The following DLGAP2 variants were observed in gnomAD, a reference collection of about 807,000 sequenced individuals.
DLGAP2 encodes disks large-associated protein 2.
In DLGAP2, 26 loss-of-function variants were observed where a neutral mutation model predicts 100.3. That is an observed-to-expected ratio of 0.26 (90% CI 0.19 to 0.36). The LOEUF (loss-of-function observed/expected upper bound fraction) is 0.36. Ranked by LOEUF, DLGAP2 falls within the 10% of genes least tolerant of loss-of-function variation. The pLI is 1.00. For missense variants in DLGAP2, 1,858 were observed against 1,453.2 expected (o/e 1.28, Z -4.53); for synonymous variants, 886 against 630.1 (o/e 1.41, Z -6.08).
At chr8:1,351,300 G>C (rs1801717755) in intron 3 of DLGAP2, among the ~76,000 whole-genome samples, 1 of 93,304 alleles carries the variant, frequency 1.1e-5, no homozygotes, top group Non-Finnish European at 2.2e-5. Context: ...AGGCCGTGCG[G>C]GTCCTGAGTG....
chr8:802,386 C>A (rs1796187982), intron 1 of DLGAP2, among the ~76,000 whole-genome samples: 1 of 151,954 alleles, frequency 6.6e-6, no homozygotes, highest in Non-Finnish European at 1.5e-5. Flanking sequence ...CCAGCCCAGT[C>A]TTCCTGGTTG....
At chr8:1,330,957 A>T (rs1206655395) in intron 3 of DLGAP2, among the ~76,000 whole-genome samples, 2 of 147,026 alleles carry the variant, frequency 1.4e-5, no homozygotes, top group African/African-American at 5.2e-5. Flanking sequence ...TCTGGGTGGG[A>T]GCGCCACTTC....
At chr8:1,098,789 C>T (rs1340337888) in intron 2 of DLGAP2, among the ~76,000 whole-genome samples, 1 of 130,574 alleles carries the variant, frequency 7.7e-6, no homozygotes, top group African/African-American at 2.7e-5. Context: ...GGCTCCCGGC[C>T]GCCCACGGAC....
chr8:1,373,965 C>T (rs1419177245), intron 3 of DLGAP2, among the ~76,000 whole-genome samples: 4 of 152,186 alleles, frequency 2.6e-5, no homozygotes, highest in Non-Finnish European at 4.4e-5. Flanking sequence ...GGTAATTTCT[C>T]TTTATTGTAA....
intron 1 of DLGAP2, among the ~76,000 whole-genome samples, chr8:800,792 G>A (rs542287104): frequency 1.3e-5 from 2 of 152,126 alleles, no homozygotes; most frequent in Admixed American, 6.6e-5. Context: ...TCTGAGAGTG[G>A]GGTTGTGCAG....
chr8:782,977 G>A (rs1484151707), intron 1 of DLGAP2, among the ~76,000 whole-genome samples: 1 of 152,204 alleles, frequency 6.6e-6, no homozygotes, highest in Non-Finnish European at 1.5e-5. Context: ...AGGATGGACG[G>A]CTGTGTCTGC....
intron 6 of DLGAP2, among the ~76,000 whole-genome samples, chr8:1,593,996 G>A (rs1335746790): frequency 6.6e-6 from 1 of 152,168 alleles, no homozygotes; most frequent in South Asian, 2.1e-4. Context: ...CATAGGGGAG[G>A]ACAGAGATGA....
intron 8 of DLGAP2, among the ~76,000 whole-genome samples, chr8:1,664,346 C>A (rs1585044099): frequency 6.6e-6 from 1 of 152,122 alleles, no homozygotes; most frequent in African/African-American, 2.4e-5. Context: ...AGGAGCAGCT[C>A]CATCCATCTC....
At chr8:1,086,766 T>A (rs1032943223) in intron 2 of DLGAP2, among the ~76,000 whole-genome samples, 2 of 152,166 alleles carry the variant, frequency 1.3e-5, no homozygotes, top group East Asian at 1.9e-4. Context: ...AAAGTAAATG[T>A]GAAAAGGATC....
At chr8:1,601,501 C>A (rs1010120257) in intron 6 of DLGAP2, among the ~76,000 whole-genome samples, 1 of 152,136 alleles carries the variant, frequency 6.6e-6, no homozygotes, top group Non-Finnish European at 1.5e-5. Flanking sequence ...GTGCTCTGTC[C>A]CAGAGAGATG....
At chr8:971,166 CAACGTAG>C (rs1800004965) in intron 2 of DLGAP2, among the ~76,000 whole-genome samples, 1 of 152,092 alleles carries the variant, frequency 6.6e-6, no homozygotes, top group Non-Finnish European at 1.5e-5. Context: ...ACTGAACAGC[CAACGTAG>C]AGGATGGGAG....
chr8:1,054,620 C>G (rs2129033670), intron 2 of DLGAP2, among the ~76,000 whole-genome samples: 1 of 152,318 alleles, frequency 6.6e-6, no homozygotes, highest in Non-Finnish European at 1.5e-5. Flanking sequence ...TCATCCCTCT[C>G]TTGGGTTGTG....
chr8:996,529 A>T (rs2134499), intron 2 of DLGAP2, among the ~76,000 whole-genome samples: 6,715 of 152,314 alleles, frequency 0.044, 310 homozygotes, highest in Admixed American at 0.14. Flanking sequence ...GGATGTGGCT[A>T]CATTAATGAA....
chr8:969,510 GTTAAGT>G (rs1003560238), intron 2 of DLGAP2, among the ~76,000 whole-genome samples: 13 of 149,620 alleles, frequency 8.7e-5, no homozygotes, highest in African/African-American at 3.0e-4. Flanking sequence ...AGAACCAACT[GTTAAGT>G]TTTTAGGAAT....
intron 3 of DLGAP2, among the ~76,000 whole-genome samples, chr8:1,425,701 G>A (rs750209573): frequency 2.0e-5 from 3 of 152,180 alleles, no homozygotes; most frequent in Non-Finnish European, 2.9e-5. Flanking sequence ...CTGTCCTGTA[G>A]GGAACTGGCC....
chr8:1,316,472 A>G (rs1394083647), intron 3 of DLGAP2, among the ~76,000 whole-genome samples: 3 of 130,794 alleles, frequency 2.3e-5, no homozygotes, highest in Non-Finnish European at 5.0e-5. Context: ...GCTTTTAAAA[A>G]TAGAGCGTGT....
chr8:1,413,217 C>T (rs1348151873), intron 3 of DLGAP2, among the ~76,000 whole-genome samples: 1 of 152,124 alleles, frequency 6.6e-6, no homozygotes, highest in African/African-American at 2.4e-5. Flanking sequence ...TATGTTTCAA[C>T]ACCTTTATTA....
intron 1 of DLGAP2, among the ~76,000 whole-genome samples, chr8:848,850 G>C (rs1418426107): frequency 6.6e-6 from 1 of 150,772 alleles, no homozygotes; most frequent in East Asian, 2.0e-4. Flanking sequence ...TGTGATGTGT[G>C]TTCCAGCATA....
At chr8:1,187,784 G>T (rs1197971037) in intron 2 of DLGAP2, among the ~76,000 whole-genome samples, 1 of 135,758 alleles carries the variant, frequency 7.4e-6, no homozygotes, top group Non-Finnish European at 1.5e-5. Flanking sequence ...CGGGACCTCT[G>T]TGACGTTTGC....
Sources: gnomAD v4.1 joint callset for allele counts (sites outside exome capture counted in the v4.1 genomes callset) on GRCh38, gnomAD v4.1.1 for gene constraint, MANE v1.5 for transcripts, NCBI Gene and HGNC (gene_info 2026-07-23, HGNC 2026-07-21) for gene names.